The following RUNX1T1 variants were observed in gnomAD, a reference collection of about 807,000 sequenced individuals.
The protein encoded by RUNX1T1 is RUNX1 partner transcriptional co-repressor 1.
A neutral mutation model predicts 62.8 loss-of-function variants in RUNX1T1; 4 were observed. The ratio of observed to expected loss-of-function variants is 0.06; its 90% CI spans 0.03 to 0.15. The LOEUF (loss-of-function observed/expected upper bound fraction) is 0.15. Among genes scored for constraint, RUNX1T1 ranks in the 10% least tolerant of loss-of-function variants. The pLI is 1.00. For synonymous variants in RUNX1T1, 291 were observed against 286.0 expected (o/e 1.02, Z -0.18); for missense variants, 508 against 754.3 (o/e 0.67, Z 3.82).
At chr8:92,039,261 T>C (rs2131379890) in intron 1 of RUNX1T1, among the ~76,000 whole-genome samples, 1 of 151,698 alleles carries the variant, frequency 6.6e-6, no homozygotes, top group Middle Eastern at 3.4e-3. Flanking sequence ...ACCGCCTTGG[T>C]CTCCCCAAGT....
chr8:92,026,084 C>T (rs1429597255), intron 1 of RUNX1T1, among the ~76,000 whole-genome samples: 1 of 152,134 alleles, frequency 6.6e-6, no homozygotes, highest in African/African-American at 2.4e-5. Context: ...ATACTTTTTT[C>T]TACATTCTAC....
chr8:91,976,162 G>A (rs1220389821), intron 8 of RUNX1T1, 189 bp from the exon 10 acceptor site: 4 of 536,342 alleles, frequency 7.5e-6, no homozygotes, highest in African/African-American at 1.9e-5. Context: ...CAGAGCCCAA[G>A]GAAAACAGAG....
chr8:92,003,992 T>C (rs1820250054), intron 5 of RUNX1T1, among the ~76,000 whole-genome samples: 1 of 152,236 alleles, frequency 6.6e-6, no homozygotes. Flanking sequence ...ACAGAGATTG[T>C]AGCATAAAAA....
Position 92,086,361 on chromosome 8 carries a change from C to G in RUNX1T1, c.-85-10224G>C, listed in dbSNP as rs191446802. ...ATGAGAAGTTAAGGGTCCCAGAACC[C>G]AGCCCACCTGACCACTTTGCATTCT... is the stretch of plus-strand genomic sequence containing the variant. On this transcript the variant is annotated intron_variant, in intron 1 of 11. Coordinates refer to the RUNX1T1 transcript ENST00000265814. Among the ~76,000 whole-genome samples, 511 of 152,352 alleles carry G rather than the reference C, an allele frequency of 3.4e-3. 1 individual carries two copies. The highest frequency in any genetic ancestry group is 4.9e-3 in the Non-Finnish European group (330 of 68,038).
At position 92,085,217 on chromosome 8, in the gene RUNX1T1, A is replaced by C. The variant is rs975573567; in HGVS notation, c.-85-9080T>G. 1.3e-5 allele frequency among the ~76,000 whole-genome samples: 2 copies of C among 152,242 alleles called. 1 individual carries two copies. Among genetic ancestry groups the C allele is most frequent in the African/African-American group, 4.8e-5 (2 of 41,464 alleles). ...GAAGAGCAGCATCACTTCCCTCTGG[A>C]AGGGCAGAGGCCCAGACCAGTCAAC... On this transcript the variant is annotated intron_variant, in intron 1 of 11. Transcript: ENST00000265814.
At chr8:92,074,827 G>A (rs1002498931) in intron 2 of RUNX1T1, among the ~76,000 whole-genome samples, 2 of 152,018 alleles carry the variant, frequency 1.3e-5, no homozygotes, top group African/African-American at 2.4e-5. Context: ...TGTATTAAAA[G>A]AACATCATCA....
rs35906063 is a variant in RUNX1T1, at chr8:92,049,092, T to C, written c.7+13454A>G. Among the ~76,000 whole-genome samples the C allele has an allele frequency of 7.1e-3, 1,074 of 152,260 alleles. 9 individuals are homozygous for C. The highest frequency in any genetic ancestry group is 0.018 in the South Asian group (88 of 4,826). On this transcript the variant is annotated intron_variant, in intron 1 of 10. Coordinates refer to ENST00000396218, the Ensembl canonical transcript of RUNX1T1. ...GGTTTTTCTTTCCCTCTCTTTCTAG[T>C]GGAACACAAATACTACCTAAGTCTC...
chr8:92,081,101 C>T (rs1288605191), intron 1 of RUNX1T1: 1 of 164,334 alleles, frequency 6.1e-6, no homozygotes, highest in Non-Finnish European at 1.3e-5. Flanking sequence ...AGTTCTTACA[C>T]TTACTCATCA....
chr8:92,095,566 A>G, intron 1 of RUNX1T1: 1 of 1,451,492 alleles, frequency 6.9e-7, no homozygotes. Flanking sequence ...GAGGCAGGAA[A>G]ATAAACAGAG....
chr8:92,038,116 G>A (rs1827769040), intron 1 of RUNX1T1, among the ~76,000 whole-genome samples: 1 of 151,730 alleles, frequency 6.6e-6, no homozygotes, highest in South Asian at 2.1e-4. Flanking sequence ...AGGCTAGAGA[G>A]CCATGGCACA....
At chr8:91,958,615 T>A (rs1197253450), downstream of RUNX1T1, 38 of 173,954 alleles carry the variant, frequency 2.2e-4, no homozygotes, top group African/African-American at 4.7e-4. Context: ...TTTATTTTTT[T>A]AAAAAAGTCC....
At chr8:91,968,994 G>A (rs1471751774) in intron 10 of RUNX1T1, among the ~76,000 whole-genome samples, 1 of 151,766 alleles carries the variant, frequency 6.6e-6, no homozygotes, top group Non-Finnish European at 1.5e-5. Flanking sequence ...CTCTACCATG[G>A]TCTGCTTTAA....
At chr8:92,080,939 G>C (rs1835156015) in intron 1 of RUNX1T1, among the ~76,000 whole-genome samples, 1 of 152,170 alleles carries the variant, frequency 6.6e-6, no homozygotes, top group South Asian at 2.1e-4. Context: ...AACAAACCAG[G>C]CAATTTTAAA....
intron 2 of RUNX1T1, among the ~76,000 whole-genome samples, chr8:92,071,054 G>T (rs1295312488): frequency 6.6e-6 from 1 of 152,118 alleles, no homozygotes; most frequent in Non-Finnish European, 1.5e-5. Context: ...GCACTTCTCA[G>T]AATATTTATC....
At chr8:91,980,275 G>A (rs897925685) in intron 8 of RUNX1T1, among the ~76,000 whole-genome samples, 9 of 152,210 alleles carry the variant, frequency 5.9e-5, no homozygotes, top group African/African-American at 1.9e-4. Flanking sequence ...CTGAATGACT[G>A]TGAGATTAAT....
chr8:92,064,045 A>G (rs1832488678), upstream of RUNX1T1, among the ~76,000 whole-genome samples: 1 of 152,078 alleles, frequency 6.6e-6, no homozygotes, highest in Non-Finnish European at 1.5e-5. Context: ...TTTCCACACT[A>G]CTTGCTATCT....
intron 7 of RUNX1T1, 119 bp downstream of exon 8, chr8:91,986,768 C>T: frequency 7.3e-6 from 5 of 688,160 alleles, no homozygotes; most frequent in South Asian, 5.1e-5. Flanking sequence ...ATTTTTTTTT[C>T]AAGGATAGCA....
chr8:91,981,651 A>G lies in RUNX1T1; in HGVS notation c.1198+4473T>C, dbSNP rs535530942. Among the ~76,000 whole-genome samples the G allele has an allele frequency of 2.0e-5, 3 of 151,676 alleles. No homozygotes were observed. The East Asian group carries it at 5.9e-4, about 30-fold the overall frequency. On this transcript the variant is annotated intron_variant, in intron 8 of 10. Transcript: ENST00000396218. ...AGGATGATCTCGATATCCTGACCTCATGATCTGCCCGCCTCGGCCTCCCCA... is the reference window on the plus strand; with the variant it reads ...AGGATGATCTCGATATCCTGACCTCGTGATCTGCCCGCCTCGGCCTCCCCA...
At chr8:91,984,189 T>A (rs1816048210) in intron 8 of RUNX1T1, among the ~76,000 whole-genome samples, 1 of 152,222 alleles carries the variant, frequency 6.6e-6, no homozygotes, top group African/African-American at 2.4e-5. Flanking sequence ...GGAGTTTTTT[T>A]AAACCAAGTT....
Sources: gnomAD v4.1 joint callset for allele counts (sites outside exome capture counted in the v4.1 genomes callset) on GRCh38, gnomAD v4.1.1 for gene constraint, MANE v1.5 for transcripts, NCBI Gene and HGNC (gene_info 2026-07-23, HGNC 2026-07-21) for gene names.